TXNRD1: variants seen among roughly 807,000 people sequenced by gnomAD.
TXNRD1 encodes the protein thioredoxin reductase 1.
In TXNRD1, 57 loss-of-function variants were observed where a neutral mutation model predicts 80.3. The observed-to-expected ratio is 0.71, with a 90% CI of 0.57 to 0.89. The LOEUF is 0.89. TXNRD1 is among the 40% of genes least tolerant of loss of function. TXNRD1 has a pLI of 0.00. For synonymous variants in TXNRD1, 291 were observed against 285.2 expected, an observed-to-expected ratio of 1.02 and a Z score of -0.20; for missense variants, 730 against 803.0, an observed-to-expected ratio of 0.91 and a Z score of 1.10.
chr12:104,220,569 T>A (rs1158662029), intron 1 of TXNRD1, among the ~76,000 whole-genome samples: 1 of 151,732 alleles, frequency 6.6e-6, no homozygotes, highest in Non-Finnish European at 1.5e-5. Flanking sequence ...ACTAAAAAAA[T>A]ACAAAATTAG....
chr12:104,333,904 T>C (rs910927972), intron 14 of TXNRD1, among the ~76,000 whole-genome samples: 7 of 152,192 alleles, frequency 4.6e-5, no homozygotes, highest in Admixed American at 1.3e-4. Context: ...CAAGATAGTA[T>C]TGAGTTTGGG....
rs551559158 is a variant in TXNRD1 at position 104,258,084 on chromosome 12, G to T, written c.304+5G>T. ...TGCTTGAACTTGATCAAACAGGTAA[G>T]TTTCTGTTTAATATGTAAATCATAG... On this transcript the variant is annotated splice_donor_5th_base_variant and intron_variant, in intron 3 of 16. Transcript: ENST00000525566. 3.9e-6 allele frequency: 6 copies of T among 1,539,454 alleles called. No individual in the cohort carries two copies. In the Admixed American group the frequency reaches 1.2e-4, roughly 31 times the overall value.
At chr12:104,263,541 C>T (rs1023604370) in intron 3 of TXNRD1, among the ~76,000 whole-genome samples, 13 of 152,194 alleles carry the variant, frequency 8.5e-5, no homozygotes, top group African/African-American at 3.1e-4. Flanking sequence ...AGCTGCCACT[C>T]ACAGGGCCTG....
intron 3 of TXNRD1, among the ~76,000 whole-genome samples, chr12:104,274,560 G>A (rs549222219): frequency 4.6e-5 from 7 of 151,916 alleles, no homozygotes; most frequent in Non-Finnish European, 7.4e-5. Flanking sequence ...TTAGCTGGGC[G>A]TGGCAGCGTG....
intron 2 of TXNRD1, among the ~76,000 whole-genome samples, chr12:104,253,762 C>T (rs60333117): frequency 0.035 from 5,371 of 151,636 alleles, 260 homozygotes; most frequent in African/African-American, 0.11. Flanking sequence ...GGTGTGATCT[C>T]GGCTCGCTGC....
At chr12:104,243,682 G>A (rs906937818) in intron 1 of TXNRD1, among the ~76,000 whole-genome samples, 17 of 152,176 alleles carry the variant, frequency 1.1e-4, no homozygotes, top group African/African-American at 3.6e-4. Context: ...CACAGGCAAC[G>A]AGTAAAAATA....
chr12:104,267,983 G>T (rs1425233522), intron 3 of TXNRD1, among the ~76,000 whole-genome samples: 1 of 151,154 alleles, frequency 6.6e-6, no homozygotes, highest in Non-Finnish European at 1.5e-5. Flanking sequence ...CTGAGTAGCT[G>T]GGATTACAGG....
chr12:104,344,082 C>T (rs139569401), intron 16 of TXNRD1, among the ~76,000 whole-genome samples: 314 of 151,918 alleles, frequency 2.1e-3, no homozygotes, highest in African/African-American at 7.3e-3. Context: ...CAGCCTGGAG[C>T]GAGACTCTAT....
intron 4 of TXNRD1, chr12:104,291,134 T>C (rs2135750740): frequency 1.8e-6 from 1 of 559,028 alleles, no homozygotes; most frequent in South Asian, 1.9e-5. Flanking sequence ...AAGCATACCA[T>C]CAAGAACACT....
chr12:104,311,480 G>A, intron 5 of TXNRD1, 68 bp downstream of exon 5: 10 of 1,564,232 alleles, frequency 6.4e-6, no homozygotes, highest in South Asian at 2.3e-5. Context: ...ATCCCTGACA[G>A]GGTTCTCTCC....
intron 1 of TXNRD1, among the ~76,000 whole-genome samples, chr12:104,236,807 A>G (rs2135689370): frequency 6.9e-6 from 1 of 144,528 alleles, no homozygotes; most frequent in South Asian, 2.2e-4. Context: ...AAAAAAAAAA[A>G]AGTGGATATT....
Position 104,321,442 on chromosome 12 carries a change from G to C in TXNRD1, c.1215+126G>C, listed in dbSNP as rs547238974. 2,028 of 704,618 alleles carry C rather than the reference G, an allele frequency of 2.9e-3. 6 individuals carry two copies. The highest frequency in any genetic ancestry group is 4.1e-3 in the Non-Finnish European group (1,717 of 415,518). The allele number at this position is 704,618 out of a possible 1,614,324, so 43.6% of individuals were successfully genotyped here. On this transcript the variant is annotated intron_variant, in intron 10 of 16. Coordinates refer to ENST00000525566, the MANE Select transcript of TXNRD1 (RefSeq NM_001093771.3). ...CATCAGGAATGCTGATTCCCCTACT[G>C]TTGTATACTGGTATATAAACTTGTA...
At chr12:104,337,337 C>G (rs2036172668) in intron 15 of TXNRD1, among the ~76,000 whole-genome samples, 2 of 151,958 alleles carry the variant, frequency 1.3e-5, no homozygotes, top group Admixed American at 1.3e-4. Flanking sequence ...GAACCTTAGA[C>G]AAGCTCTGCA....
intron 1 of TXNRD1, among the ~76,000 whole-genome samples, chr12:104,249,935 C>CAAAAA (rs59924751): frequency 5.7e-4 from 58 of 102,262 alleles, no homozygotes; most frequent in Middle Eastern, 5.6e-3. Context: ...GACGCCGTCT[C>CAAAAA]AAAAAAAAAA....
At chr12:104,259,100 C>T (rs1468590103) in intron 3 of TXNRD1, among the ~76,000 whole-genome samples, 2 of 152,104 alleles carry the variant, frequency 1.3e-5, no homozygotes, top group Non-Finnish European at 2.9e-5. Flanking sequence ...AAGAAAGGGC[C>T]TGGCATGGTG....
chr12:104,248,579 G>A (rs1018453824), intron 1 of TXNRD1, among the ~76,000 whole-genome samples: 4 of 152,246 alleles, frequency 2.6e-5, no homozygotes, highest in East Asian at 1.9e-4. Flanking sequence ...TGAGCCACGC[G>A]CCTGGCCACA....
chr12:104,285,361 A>T (rs1225606695), intron 3 of TXNRD1, among the ~76,000 whole-genome samples: 2 of 152,176 alleles, frequency 1.3e-5, no homozygotes, highest in Non-Finnish European at 2.9e-5. Flanking sequence ...AGAAAAGAAG[A>T]TGGTTTTAAA....
chr12:104,289,177 C>A, intron 4 of TXNRD1, 137 bp downstream of exon 4: 1 of 984,488 alleles, frequency 1.0e-6, no homozygotes, highest in Non-Finnish European at 1.5e-6. Flanking sequence ...GAAAAACGCT[C>A]GTGGGCTAGC....
At position 104,348,523 on chromosome 12, in the gene TXNRD1, C is replaced by T; in HGVS notation, c.*102C>T. ...TAGAGGGTTCTTGGGCTCTTGGCAC[C>T]TGCGTGTCCTGTGCTTACCACCGCC... On this transcript the variant is annotated 3_prime_UTR_variant, in exon 17 of 17. Coordinates refer to ENST00000525566, the MANE Select transcript of TXNRD1 (RefSeq NM_001093771.3). The T allele has an allele frequency of 5.3e-6, 6 of 1,123,834 alleles. No individual in the cohort carries two copies. The South Asian group carries it at 6.5e-5, about 12-fold the overall frequency. 69.6% of individuals were successfully genotyped at this position (1,123,834 alleles called of 1,614,324 possible).
Sources: gnomAD v4.1 joint callset for allele counts (sites outside exome capture counted in the v4.1 genomes callset) on GRCh38, gnomAD v4.1.1 for gene constraint, MANE v1.5 for transcripts, NCBI Gene and HGNC (gene_info 2026-07-23, HGNC 2026-07-21) for gene names.